Variants in NXPE2 observed in about 807,000 individuals in gnomAD.
NXPE2 encodes the protein neurexophilin and PC-esterase domain family member 2, also known as NXPE family member 2.
A neutral mutation model predicts 34.4 loss-of-function variants in NXPE2; 34 were observed. The ratio of observed to expected loss-of-function variants is 0.99; its 90% CI spans 0.75 to 1.31. The LOEUF (loss-of-function observed/expected upper bound fraction) is 1.31, where lower values mean the gene tolerates loss of function less well. Ranked by LOEUF, NXPE2 falls within the 40% of genes most tolerant of loss-of-function variation. The probability of loss-of-function intolerance (pLI) is 0.00; values close to 1 mark genes in which losing one functional copy is unlikely to be tolerated. For synonymous variants in NXPE2, 235 were observed against 231.3 expected, an observed-to-expected ratio of 1.02 and a Z score of -0.15; for missense variants, 649 against 672.5, an observed-to-expected ratio of 0.97 and a Z score of 0.39.
Position 114,678,554 on chromosome 11 carries a change from A to T in NXPE2, c.-22A>T. 6.5e-7 allele frequency: 1 copy of T among 1,541,924 alleles called. No homozygotes were observed. Among genetic ancestry groups the T allele is most frequent in the East Asian group, 2.4e-5 (1 of 40,980 alleles). On this transcript the variant is annotated 5_prime_UTR_variant, in exon 1 of 6. Coordinates refer to ENST00000389586, the MANE Select transcript of NXPE2 (RefSeq NM_182495.6). The stretch of plus-strand genomic sequence containing the variant: ...TCAAGGAGAGTCTCTGGACACTATA[A>T]TTCCTGTGAGAACACGAGAAGATGG...
chr11:114,695,830 AACAC>A (rs67132329), intron 2 of NXPE2, among the ~76,000 whole-genome samples: 9,603 of 132,554 alleles, frequency 0.072, 504 homozygotes, highest in African/African-American at 0.15. Context: ...GTCTCTACTA[AACAC>A]ACACACACAC....
the NXPE2 span, among the ~76,000 whole-genome samples, chr11:114,637,040 T>C: frequency 6.6e-6 from 1 of 152,070 alleles, no homozygotes; most frequent in Non-Finnish European, 1.5e-5. Flanking sequence ...GTCTCATTGA[T>C]CTGTCTAATG....
the NXPE2 span, among the ~76,000 whole-genome samples, chr11:114,602,138 A>G: frequency 9.6e-6 from 1 of 103,732 alleles, no homozygotes; most frequent in African/African-American, 4.0e-5. Context: ...TACATAACAT[A>G]TACTATATAT....
At chr11:114,639,185 C>A in the NXPE2 span, among the ~76,000 whole-genome samples, 3 of 151,940 alleles carry the variant, frequency 2.0e-5, no homozygotes, top group Non-Finnish European at 4.4e-5. Flanking sequence ...GCACCCCTCC[C>A]CCAGCCTCAC....
At chr11:114,578,323 A>C in the NXPE2 span, among the ~76,000 whole-genome samples, 2 of 152,196 alleles carry the variant, frequency 1.3e-5, no homozygotes, top group African/African-American at 2.4e-5. Flanking sequence ...CTTTTAACAC[A>C]ATGTACAACA....
At chr11:114,542,792 A>G in the NXPE2 span, among the ~76,000 whole-genome samples, 1 of 152,224 alleles carries the variant, frequency 6.6e-6, no homozygotes, top group African/African-American at 2.4e-5. Flanking sequence ...AAACATAATC[A>G]TTAGAACAAA....
chr11:114,628,773 A>T, the NXPE2 span, among the ~76,000 whole-genome samples: 1 of 152,000 alleles, frequency 6.6e-6, no homozygotes. Flanking sequence ...ATAGAAAGCT[A>T]GCAAGACTAA....
chr11:114,773,494 T>C, the NXPE2 span, among the ~76,000 whole-genome samples: 1 of 152,136 alleles, frequency 6.6e-6, no homozygotes, highest in Non-Finnish European at 1.5e-5. Flanking sequence ...CCCCCACTTC[T>C]GGGCTTGGCT....
At chr11:114,601,910 A>T in the NXPE2 span, among the ~76,000 whole-genome samples, 1 of 39,046 alleles carries the variant, frequency 2.6e-5, no homozygotes, top group East Asian at 6.0e-4. Context: ...TATATATTAT[A>T]TAATTATATA....
chr11:114,586,949 C>T, the NXPE2 span, among the ~76,000 whole-genome samples: 1 of 152,080 alleles, frequency 6.6e-6, no homozygotes, highest in Non-Finnish European at 1.5e-5. Flanking sequence ...CACAGAGGTC[C>T]TCCTTCCCTC....
In NXPE2 at chr11:114,698,446, C is replaced by G. The variant is rs773961949; in HGVS notation, c.534C>G (p.Ser178Arg). The G allele has an allele frequency of 6.2e-7, 1 of 1,614,010 alleles. No individual in the cohort carries two copies. Among genetic ancestry groups the G allele is most frequent in the Admixed American group, 1.7e-5 (1 of 60,008 alleles). ...TDFNNGTYLVSFTLFWEGQVS... is the reference protein window; with the variant it reads ...TDFNNGTYLVRFTLFWEGQVS... ...TCAACAACGGCACCTACCTGGTCAG[C>G]TTCACTCTGTTCTGGGAGGGCCAGG... Residue 178 changes from serine to arginine, a missense_variant, in exon 3 of 6, where the codon AGC (serine) becomes AGG (arginine). Coordinates refer to ENST00000389586, the MANE Select transcript of NXPE2 (RefSeq NM_182495.6).
At chr11:114,700,253 C>A (rs1453076246) in intron 3 of NXPE2, among the ~76,000 whole-genome samples, 1 of 152,150 alleles carries the variant, frequency 6.6e-6, no homozygotes, top group Non-Finnish European at 1.5e-5. Flanking sequence ...CCCCACGGCT[C>A]TAAGGGTGAA....
the NXPE2 span, among the ~76,000 whole-genome samples, chr11:114,670,392 C>T: frequency 1.3e-5 from 2 of 151,926 alleles, no homozygotes; most frequent in East Asian, 3.9e-4. Context: ...TAGCCCAGCC[C>T]AATTACTAAA....
the NXPE2 span, among the ~76,000 whole-genome samples, chr11:114,565,076 C>T: frequency 8.5e-5 from 13 of 152,110 alleles, no homozygotes; most frequent in African/African-American, 2.7e-4. Flanking sequence ...AACAGTACAG[C>T]GAATAACAGA....
At chr11:114,754,461 C>T in the NXPE2 span, among the ~76,000 whole-genome samples, 411 of 152,306 alleles carry the variant, frequency 2.7e-3, 2 homozygotes, top group African/African-American at 9.4e-3. Context: ...GACATCTGCT[C>T]GCTTGAATAC....
At position 114,703,947 on chromosome 11, in the gene NXPE2, AT is replaced by A. The variant is rs1450860659; in HGVS notation, c.867-43del. The A allele has an allele frequency of 2.9e-6, 4 of 1,372,770 alleles. No homozygotes were observed. In the Admixed American group the frequency reaches 7.9e-5, roughly 27 times the overall value. The allele number at this position is 1,372,770 out of a possible 1,614,324, so 85.0% of individuals were successfully genotyped here. A position where few individuals can be genotyped will look rare whatever the true frequency, so the allele number is the denominator to read the frequency against. The stretch of plus-strand genomic sequence containing the variant: ...CTAAACCAGTGATTCCTACTTTATT[AT>A]CTGGGCAGATATTAAGCTAATTTAT... On this transcript the variant is annotated intron_variant, in intron 3 of 5. Coordinates refer to ENST00000389586, the MANE Select transcript of NXPE2 (RefSeq NM_182495.6).
the NXPE2 span, among the ~76,000 whole-genome samples, chr11:114,602,233 ATTATAC>A: frequency 8.7e-6 from 1 of 114,712 alleles, no homozygotes; most frequent in Non-Finnish European, 1.6e-5. Flanking sequence ...TAGATTATAT[ATTATAC>A]TATATACAAT....
At chr11:114,582,681 G>C in the NXPE2 span, 1 of 1,614,006 alleles carries the variant, frequency 6.2e-7, no homozygotes, top group East Asian at 2.2e-5. Flanking sequence ...TGCCATCAGC[G>C]CTGGGGAAGA....
the NXPE2 span, among the ~76,000 whole-genome samples, chr11:114,487,209 T>C: frequency 6.6e-6 from 1 of 152,116 alleles, no homozygotes; most frequent in Admixed American, 6.5e-5. Context: ...GAGCTTTCAC[T>C]TCTTTGGTTA....
Sources: gnomAD v4.1 joint callset for allele counts (sites outside exome capture counted in the v4.1 genomes callset) on GRCh38, gnomAD v4.1.1 for gene constraint, MANE v1.5 for transcripts, NCBI Gene and HGNC (gene_info 2026-07-23, HGNC 2026-07-21) for gene names.